Variants in R3HDM2 observed in about 807,000 individuals in gnomAD.
R3HDM2 encodes R3H domain-containing protein 2.
In R3HDM2, 38 loss-of-function variants were observed where a neutral mutation model predicts 124.5. The observed-to-expected ratio is 0.31, with a 90% CI of 0.24 to 0.40. The LOEUF (loss-of-function observed/expected upper bound fraction) is 0.40, where lower values mean the gene tolerates loss of function less well. R3HDM2 is among the 10% of genes least tolerant of loss of function. The pLI is 1.00. For missense variants in R3HDM2, 869 were observed against 1,236.9 expected (o/e 0.70, Z 4.46); for synonymous variants, 391 against 448.0 (o/e 0.87, Z 1.61).
chr12:57,355,962 T>C (rs1375196501), intron 2 of R3HDM2, among the ~76,000 whole-genome samples: 1 of 152,174 alleles, frequency 6.6e-6, no homozygotes, highest in East Asian at 1.9e-4. Flanking sequence ...ATTTTTCTAG[T>C]TTTATACATT....
chr12:57,318,050 G>A (rs1593193737), intron 2 of R3HDM2, among the ~76,000 whole-genome samples: 1 of 151,034 alleles, frequency 6.6e-6, no homozygotes, highest in East Asian at 1.9e-4. Context: ...AGCACTTTGA[G>A]AGGCTGAAGC....
rs142206077 is a variant in R3HDM2, at chr12:57,334,175, G to A, written c.-35-23712C>T. Among the ~76,000 whole-genome samples, 1,076 of 152,334 alleles carry A rather than the reference G, an allele frequency of 7.1e-3. 13 individuals carry two copies. The highest frequency in any genetic ancestry group is 0.024 in the African/African-American group (1,018 of 41,576). ...TAGCAGCTCAATTCACAGATAGGTG[G>A]TAGGTATTTCCCACCATATCCTCCC... On this transcript the variant is annotated intron_variant, in intron 2 of 23. Coordinates refer to ENST00000402412, the MANE Select transcript of R3HDM2 (RefSeq NM_001394031.1).
At chr12:57,294,625 A>C (rs2049344266) in intron 10 of R3HDM2, among the ~76,000 whole-genome samples, 1 of 152,144 alleles carries the variant, frequency 6.6e-6, no homozygotes, top group Admixed American at 6.5e-5. Context: ...GGCTCTACTC[A>C]ACCACGCTCT....
chr12:57,381,941 G>A (rs2064945699), intron 2 of R3HDM2, among the ~76,000 whole-genome samples: 1 of 151,466 alleles, frequency 6.6e-6, no homozygotes, highest in Non-Finnish European at 1.5e-5. Flanking sequence ...TCAGCCTCCT[G>A]AGTAGCTGAA....
intron 1 of R3HDM2, among the ~76,000 whole-genome samples, chr12:57,409,441 T>C (rs1165240190): frequency 1.4e-5 from 2 of 147,954 alleles, no homozygotes; most frequent in Non-Finnish European, 3.0e-5. Flanking sequence ...TAGATTTAAA[T>C]AGAAGTTCTG....
chr12:57,281,955 C>G (rs939630357), intron 13 of R3HDM2, among the ~76,000 whole-genome samples: 7 of 152,116 alleles, frequency 4.6e-5, no homozygotes, highest in African/African-American at 1.7e-4. Flanking sequence ...AGCAGGAAAG[C>G]TGGGGTTGAA....
chr12:57,310,906 A>C (rs2053776810), intron 2 of R3HDM2, among the ~76,000 whole-genome samples: 1 of 152,154 alleles, frequency 6.6e-6, no homozygotes, highest in South Asian at 2.1e-4. Flanking sequence ...TCTTTTACTC[A>C]GCATAATTAT....
chr12:57,355,276 T>C (rs565213320), intron 2 of R3HDM2, among the ~76,000 whole-genome samples: 1 of 150,752 alleles, frequency 6.6e-6, no homozygotes, highest in Non-Finnish European at 1.5e-5. Context: ...GCTAACACGG[T>C]GAAACCCCGT....
intron 2 of R3HDM2, among the ~76,000 whole-genome samples, chr12:57,375,560 T>C (rs1361032124): frequency 1.3e-5 from 2 of 152,170 alleles, no homozygotes; most frequent in Non-Finnish European, 2.9e-5. Context: ...TTTTTTCAAT[T>C]CTTAAATTCT....
intron 2 of R3HDM2, among the ~76,000 whole-genome samples, chr12:57,344,647 T>C (rs961369513): frequency 6.6e-6 from 1 of 151,972 alleles, no homozygotes; most frequent in Non-Finnish European, 1.5e-5. Context: ...AAGAATCAAA[T>C]GAAAATTTTA....
chr12:57,283,136 A>C (rs1364837279), intron 13 of R3HDM2, among the ~76,000 whole-genome samples: 1 of 152,020 alleles, frequency 6.6e-6, no homozygotes, highest in Non-Finnish European at 1.5e-5. Context: ...AAACTACTAA[A>C]CTCTAAGGAT....
At chr12:57,343,764 T>TAAAAAAAAAA (rs5798403) in intron 2 of R3HDM2, among the ~76,000 whole-genome samples, 3 of 111,658 alleles carry the variant, frequency 2.7e-5, no homozygotes, top group African/African-American at 3.3e-5. Context: ...TACAAAAGGT[T>TAAAAAAAAAA]AAAAAAAAAA....
At chr12:57,288,052 G>A (rs2047750097) in intron 12 of R3HDM2, among the ~76,000 whole-genome samples, 1 of 139,076 alleles carries the variant, frequency 7.2e-6, no homozygotes, top group South Asian at 2.2e-4. Flanking sequence ...GTCTTGCTCT[G>A]TTGCTCAGGC....
chr12:57,308,678 C>T (rs1289061962), intron 3 of R3HDM2, among the ~76,000 whole-genome samples: 1 of 151,996 alleles, frequency 6.6e-6, no homozygotes, highest in African/African-American at 2.4e-5. Flanking sequence ...AAGAGTGAAA[C>T]TCAGCCTCAA....
chr12:57,342,495 G>GACAC (rs36014724), intron 2 of R3HDM2, among the ~76,000 whole-genome samples: 2,236 of 149,042 alleles, frequency 0.015, 18 homozygotes, highest in Non-Finnish European at 0.022. Context: ...GGCACACACA[G>GACAC]ACACACACAC....
intron 1 of R3HDM2, among the ~76,000 whole-genome samples, chr12:57,419,279 G>A (rs1206608498): frequency 2.0e-5 from 3 of 151,498 alleles, no homozygotes; most frequent in East Asian, 1.9e-4. Context: ...CAGCACCTAC[G>A]ATTACAGGCA....
intron 2 of R3HDM2, among the ~76,000 whole-genome samples, chr12:57,394,066 C>T (rs1048459263): frequency 8.6e-5 from 13 of 151,840 alleles, no homozygotes; most frequent in African/African-American, 3.1e-4. Context: ...TTTGGGAGGC[C>T]GAGGTGGGCT....
chr12:57,285,444 A>AGT (rs1157891009), intron 12 of R3HDM2, among the ~76,000 whole-genome samples: 195 of 140,694 alleles, frequency 1.4e-3, no homozygotes, highest in Admixed American at 3.1e-3. Context: ...AGAGAGAGAG[A>AGT]GAGTGTGTGT....
chr12:57,424,935 G>C (rs997145156), intron 1 of R3HDM2, among the ~76,000 whole-genome samples: 1 of 152,138 alleles, frequency 6.6e-6, no homozygotes, highest in African/African-American at 2.4e-5. Flanking sequence ...ACATGAGCCT[G>C]GGCAACAAAG....
Sources: allele counts gnomAD v4.1 joint callset (sites outside exome capture counted in the v4.1 genomes callset), GRCh38; gene constraint gnomAD v4.1.1; transcripts MANE v1.5; gene names NCBI Gene and HGNC (gene_info 2026-07-23, HGNC 2026-07-21).